The following CSMD1 variants were observed in gnomAD, a reference collection of about 807,000 sequenced individuals.
CSMD1 encodes CUB and Sushi multiple domains 1.
CSMD1 carries 213 observed loss-of-function variants against 417.5 expected under a neutral mutation model. That is an observed-to-expected ratio of 0.51 (90% CI 0.46 to 0.57). The LOEUF (loss-of-function observed/expected upper bound fraction) is 0.57, where lower values mean the gene tolerates loss of function less well. CSMD1 is among the 20% of genes least tolerant of loss of function. CSMD1 has a pLI of 0.00. For missense variants in CSMD1, 6,923 were observed against 4,529.7 expected (o/e 1.53, Z -15.17); for synonymous variants, 2,862 against 1,736.8 (o/e 1.65, Z -16.11).
chr8:4,045,451 G>A (rs1051527899), intron 3 of CSMD1, among the ~76,000 whole-genome samples: 3 of 152,156 alleles, frequency 2.0e-5, no homozygotes, highest in Non-Finnish European at 2.9e-5. Flanking sequence ...TGAGAACGTC[G>A]GAAGGGCCAC....
At chr8:3,443,234 G>A (rs1438305662) in intron 12 of CSMD1, among the ~76,000 whole-genome samples, 4 of 152,136 alleles carry the variant, frequency 2.6e-5, no homozygotes, top group African/African-American at 4.8e-5. Flanking sequence ...TTATAGCAAA[G>A]AACTGGAAAG....
chr8:4,340,726 C>G (rs959523030), intron 3 of CSMD1, among the ~76,000 whole-genome samples: 2 of 152,022 alleles, frequency 1.3e-5, no homozygotes, highest in African/African-American at 4.8e-5. Flanking sequence ...GCACGTGGAA[C>G]AAACTGAAAA....
intron 5 of CSMD1, among the ~76,000 whole-genome samples, chr8:3,831,442 A>C (rs1321193600): frequency 6.6e-6 from 1 of 152,168 alleles, no homozygotes; most frequent in African/African-American, 2.4e-5. Flanking sequence ...TTCCATAAGG[A>C]AACATCCAGG....
chr8:4,157,011 T>A (rs148836525), intron 3 of CSMD1, among the ~76,000 whole-genome samples: 2 of 152,036 alleles, frequency 1.3e-5, no homozygotes, highest in Non-Finnish European at 2.9e-5. Flanking sequence ...GTAGGGGTGG[T>A]GGCCAGGCAT....
chr8:3,793,729 T>C (rs1033060252), intron 5 of CSMD1, among the ~76,000 whole-genome samples: 2 of 152,170 alleles, frequency 1.3e-5, no homozygotes, highest in Non-Finnish European at 2.9e-5. Flanking sequence ...CTTGTGCACT[T>C]TTTATTTTCG....
intron 1 of CSMD1, among the ~76,000 whole-genome samples, chr8:4,774,541 C>T (rs546651812): frequency 4.6e-5 from 7 of 152,248 alleles, no homozygotes; most frequent in African/African-American, 1.4e-4. Context: ...CATGTCCAGG[C>T]AGACATATAG....
chr8:3,520,258 C>A (rs921166285), intron 10 of CSMD1, among the ~76,000 whole-genome samples: 2 of 152,026 alleles, frequency 1.3e-5, no homozygotes, highest in East Asian at 1.9e-4. Context: ...AGAGAGGAAG[C>A]ACCATACCAA....
intron 3 of CSMD1, among the ~76,000 whole-genome samples, chr8:4,268,604 G>C (rs1370950235): frequency 3.9e-5 from 6 of 152,110 alleles, no homozygotes; most frequent in Non-Finnish European, 7.4e-5. Flanking sequence ...TTTTGCAAGA[G>C]TAGCTATGGG....
chr8:4,040,084 G>A (rs777786510), intron 3 of CSMD1, among the ~76,000 whole-genome samples: 42 of 152,264 alleles, frequency 2.8e-4, no homozygotes, highest in Non-Finnish European at 4.9e-4. Flanking sequence ...AATTTTCAAA[G>A]TATACAGAGA....
chr8:4,280,723 A>G (rs533062959), intron 3 of CSMD1, among the ~76,000 whole-genome samples: 5 of 152,334 alleles, frequency 3.3e-5, no homozygotes, highest in African/African-American at 1.2e-4. Flanking sequence ...TGTAAGCCAT[A>G]AATATAATTG....
intron 2 of CSMD1, among the ~76,000 whole-genome samples, chr8:4,625,684 T>C (rs1056991360): frequency 4.6e-5 from 7 of 152,034 alleles, no homozygotes; most frequent in South Asian, 2.1e-4. Flanking sequence ...AGCAAGCAAA[T>C]ATAATGATTA....
chr8:3,087,363 A>G (rs551926539), intron 48 of CSMD1, 78 bp from the exon 49 acceptor site: 68 of 1,405,268 alleles, frequency 4.8e-5, no homozygotes, highest in Non-Finnish European at 6.6e-5. Context: ...GTGAGAGTCT[A>G]TAAATGAATG....
intron 3 of CSMD1, among the ~76,000 whole-genome samples, chr8:4,175,002 T>C: frequency 6.6e-6 from 1 of 151,728 alleles, no homozygotes; most frequent in Non-Finnish European, 1.5e-5. Flanking sequence ...TTGGAATCTC[T>C]TATCTCACTC....
At chr8:3,764,428 A>G (rs1374262426) in intron 5 of CSMD1, among the ~76,000 whole-genome samples, 2 of 152,198 alleles carry the variant, frequency 1.3e-5, no homozygotes, top group African/African-American at 2.4e-5. Context: ...TATGAGTGTG[A>G]GACACCTTAC....
intron 2 of CSMD1, among the ~76,000 whole-genome samples, chr8:4,590,261 G>A (rs543302251): frequency 5.9e-5 from 9 of 152,040 alleles, no homozygotes; most frequent in African/African-American, 1.9e-4. Context: ...AAAGTGGAGA[G>A]ATGGTGACCA....
chr8:3,793,152 C>T (rs1167961312), intron 5 of CSMD1, among the ~76,000 whole-genome samples: 1 of 152,112 alleles, frequency 6.6e-6, no homozygotes, highest in Non-Finnish European at 1.5e-5. Context: ...AATAATTTAC[C>T]ACTTTGCAGA....
At position 3,676,054 on chromosome 8, in the gene CSMD1, C is replaced by T. The variant is rs76171912; in HGVS notation, c.1009+32360G>A. Among the ~76,000 whole-genome samples, 481 of 152,296 alleles carry T rather than the reference C, an allele frequency of 3.2e-3. 3 individuals carry two copies. Among genetic ancestry groups the T allele is most frequent in the African/African-American group, 0.011 (459 of 41,548 alleles). ...TATGACAAATATAGGCATAGGAAGT[C>T]ATCATTTGATTAGCACCTGTATCTC... On this transcript the variant is annotated intron_variant, in intron 7 of 69. Coordinates refer to ENST00000635120, the MANE Select transcript of CSMD1 (RefSeq NM_033225.6).
At chr8:4,629,084 T>C (rs1802344319) in intron 2 of CSMD1, among the ~76,000 whole-genome samples, 1 of 152,214 alleles carries the variant, frequency 6.6e-6, no homozygotes, top group African/African-American at 2.4e-5. Context: ...TACATTTATA[T>C]ACTTAGACAT....
intron 1 of CSMD1, among the ~76,000 whole-genome samples, chr8:4,790,556 G>A (rs1397379596): frequency 6.6e-6 from 1 of 152,162 alleles, no homozygotes; most frequent in Non-Finnish European, 1.5e-5. Context: ...AAAGCTGGAA[G>A]CATCACACAG....
Sources: gnomAD v4.1 joint callset for allele counts (sites outside exome capture counted in the v4.1 genomes callset) on GRCh38, gnomAD v4.1.1 for gene constraint, MANE v1.5 for transcripts, NCBI Gene and HGNC (gene_info 2026-07-23, HGNC 2026-07-21) for gene names.